The following TSC22D3 variants were observed in gnomAD, a reference collection of about 807,000 sequenced individuals.
TSC22D3 encodes the protein TSC22 domain family member 3.
In TSC22D3, 4 loss-of-function variants were observed where a neutral mutation model predicts 11.1. The observed-to-expected ratio is 0.36, with a 90% CI of 0.18 to 0.83. TSC22D3 has a LOEUF of 0.83. Among genes scored for constraint, TSC22D3 ranks in the 40% least tolerant of loss-of-function variants. TSC22D3 has a pLI of 0.48. For missense variants in TSC22D3, 118 were observed against 159.4 expected, an observed-to-expected ratio of 0.74 and a Z score of 1.40; for synonymous variants, 77 against 70.3, an observed-to-expected ratio of 1.10 and a Z score of -0.48.
At chrX:107,753,581 G>A (rs1268865714) in intron 1 of TSC22D3, among the ~76,000 whole-genome samples, 3 of 111,317 alleles carry the variant, frequency 2.7e-5, no homozygotes. Context: ...TAACTCCTTG[G>A]ATCTGTCTCC....
chrX:107,734,559 A>G (rs1928036845), intron 1 of TSC22D3, among the ~76,000 whole-genome samples: 1 of 110,730 alleles, frequency 9.0e-6, no homozygotes, highest in Admixed American at 9.6e-5. Flanking sequence ...CTGGGGTCCC[A>G]TGTTGGCAGG....
At chrX:107,723,459 C>T (rs748646034) in intron 1 of TSC22D3, among the ~76,000 whole-genome samples, 93 of 112,701 alleles carry the variant, frequency 8.3e-4, no homozygotes, top group African/African-American at 2.7e-3. Context: ...CTTATCCCAC[C>T]TCTTTCAGAG....
chrX:107,755,966 A>T (rs979450844), intron 1 of TSC22D3, among the ~76,000 whole-genome samples: 1 of 111,680 alleles, frequency 9.0e-6, no homozygotes, highest in African/African-American at 3.3e-5. Flanking sequence ...GCTAATCTGG[A>T]GTGTTGAGTG....
chrX:107,753,715 A>C (rs1345483383), intron 1 of TSC22D3, among the ~76,000 whole-genome samples: 1 of 111,048 alleles, frequency 9.0e-6, no homozygotes, highest in African/African-American at 3.3e-5. Context: ...TTGAAAATCA[A>C]CTCCCAAGTA....
chrX:107,774,194 C>T (rs749539182), intron 1 of TSC22D3, among the ~76,000 whole-genome samples: 1 of 112,134 alleles, frequency 8.9e-6, no homozygotes, highest in South Asian at 3.7e-4. Flanking sequence ...ACACTAAATC[C>T]ATGGCTGGGT....
At chrX:107,750,787 T>C (rs1339840007) in intron 1 of TSC22D3, among the ~76,000 whole-genome samples, 4 of 111,270 alleles carry the variant, frequency 3.6e-5, no homozygotes, top group African/African-American at 9.8e-5. Context: ...GACTTTCACA[T>C]AGCCAGGAGA....
intron 1 of TSC22D3, among the ~76,000 whole-genome samples, chrX:107,769,347 T>C (rs1293518992): frequency 8.9e-6 from 1 of 112,730 alleles, no homozygotes; most frequent in Non-Finnish European, 1.9e-5. Flanking sequence ...TGCTACAACA[T>C]GGATGAACTT....
intron 1 of TSC22D3, 111 bp from the exon 2 acceptor site, chrX:107,716,061 TTCTC>T (rs1461419879): frequency 7.3e-5 from 64 of 872,885 alleles, no homozygotes; most frequent in Middle Eastern, 8.3e-4. Flanking sequence ...CTCTCTCTCC[TTCTC>T]GCCTCCCTGG....
chrX:107,750,410 G>A (rs1440815708), intron 1 of TSC22D3, among the ~76,000 whole-genome samples: 1 of 111,135 alleles, frequency 9.0e-6, no homozygotes, highest in Non-Finnish European at 1.9e-5. Flanking sequence ...GGGCTCAGTG[G>A]CCAGGCAGGT....
chrX:107,718,160 T>G (rs1927152944), intron 1 of TSC22D3, among the ~76,000 whole-genome samples: 1 of 111,884 alleles, frequency 8.9e-6, no homozygotes, highest in Non-Finnish European at 1.9e-5. Context: ...TATATCTTAT[T>G]TATATTCAGC....
intron 1 of TSC22D3, among the ~76,000 whole-genome samples, chrX:107,752,954 T>C (rs1287012781): frequency 9.0e-6 from 1 of 111,600 alleles, no homozygotes; most frequent in Non-Finnish European, 1.9e-5. Context: ...ACTGAGTGAA[T>C]TTGTTGGTCT....
intron 1 of TSC22D3, 86 bp from the exon 2 acceptor site, chrX:107,716,036 G>T: frequency 9.9e-7 from 1 of 1,008,912 alleles, no homozygotes; most frequent in Non-Finnish European, 1.4e-6. Context: ...TCCTCCATCT[G>T]CCTCGGCTCT....
chrX:107,734,096 G>A (rs1156682563), intron 1 of TSC22D3, among the ~76,000 whole-genome samples: 1 of 111,945 alleles, frequency 8.9e-6, no homozygotes, highest in African/African-American at 3.2e-5. Flanking sequence ...GCAGTCTGGG[G>A]CATCCTCTAA....
At chrX:107,766,666 T>C (rs973729074) in intron 1 of TSC22D3, among the ~76,000 whole-genome samples, 2 of 111,459 alleles carry the variant, frequency 1.8e-5, no homozygotes, top group Non-Finnish European at 3.8e-5. Flanking sequence ...AGCTTGCCTG[T>C]CTGCTTACAT....
At chrX:107,754,804 T>C (rs1044223533) in intron 1 of TSC22D3, among the ~76,000 whole-genome samples, 2 of 112,413 alleles carry the variant, frequency 1.8e-5, no homozygotes, top group African/African-American at 3.2e-5. Flanking sequence ...TGCAGTTCAG[T>C]TAACCCATTT....
intron 1 of TSC22D3, chrX:107,722,064 A>G (rs1927363400): frequency 5.7e-6 from 2 of 348,942 alleles, no homozygotes; most frequent in East Asian, 8.8e-5. Flanking sequence ...AGCAAGAAGG[A>G]AAGACAGAGA....
chrX:107,746,685 G>A (rs201444516), intron 1 of TSC22D3, among the ~76,000 whole-genome samples: 2 of 110,910 alleles, frequency 1.8e-5, no homozygotes, highest in East Asian at 2.8e-4. Context: ...GTTTTTTTAC[G>A]TACACCCTCA....
intron 1 of TSC22D3, among the ~76,000 whole-genome samples, chrX:107,724,061 C>T (rs1927489979): frequency 8.9e-6 from 1 of 112,870 alleles, no homozygotes; most frequent in African/African-American, 3.2e-5. Flanking sequence ...GAGCTATTCA[C>T]CATGAGCTCA....
intron 1 of TSC22D3, chrX:107,716,879 T>C: frequency 8.4e-7 from 1 of 1,191,978 alleles, no homozygotes; most frequent in Non-Finnish European, 1.1e-6. Flanking sequence ...GCTGGGTGGC[T>C]GCTGGCAGGC....
Sources: allele counts gnomAD v4.1 joint callset (sites outside exome capture counted in the v4.1 genomes callset), GRCh38; gene constraint gnomAD v4.1.1; transcripts MANE v1.5; gene names NCBI Gene and HGNC (gene_info 2026-07-23, HGNC 2026-07-21).